The following OOSP2 variants were observed in gnomAD, a reference collection of about 807,000 sequenced individuals.
OOSP2 encodes oocyte secreted protein 2.
A neutral mutation model predicts 13.4 loss-of-function variants in OOSP2; 7 were observed. That is an observed-to-expected ratio of 0.52 (90% CI 0.30 to 0.98). OOSP2 has a LOEUF of 0.98. Ranked by LOEUF, OOSP2 falls within the 50% of genes least tolerant of loss-of-function variation. The pLI, the probability that OOSP2 is intolerant of heterozygous loss-of-function variation, is 0.07. For synonymous variants in OOSP2, 75 were observed against 67.2 expected (o/e 1.12, Z -0.57); for missense variants, 184 against 188.5 (o/e 0.98, Z 0.14).
rs112324466 is a variant in OOSP2 at position 60,047,351 on chromosome 11, A to G, written c.*278A>G. ...TCTGTTCTGTGTAGAAGATTCAGAA[A>G]TATGTCTTCAAAGACAATGACTTGA... On this transcript the variant is annotated 3_prime_UTR_variant, in exon 4 of 4. Coordinates refer to ENST00000278855, the MANE Select transcript of OOSP2 (RefSeq NM_173801.5). 4.7e-4 allele frequency: 98 copies of G among 208,644 alleles called. No individual in the cohort carries two copies. The highest frequency in any genetic ancestry group is 2.2e-3 in the African/African-American group (94 of 43,696). 12.9% of individuals were successfully genotyped at this position (208,644 alleles called of 1,614,324 possible).
At chr11:60,045,769 CT>C (rs1244799508) in intron 3 of OOSP2, among the ~76,000 whole-genome samples, 2 of 152,074 alleles carry the variant, frequency 1.3e-5, no homozygotes, top group East Asian at 3.8e-4. Context: ...ATTGTTAATA[CT>C]TTTACTCTTC....
At chr11:60,045,196 A>G (rs1333280384) in intron 3 of OOSP2, among the ~76,000 whole-genome samples, 1 of 152,134 alleles carries the variant, frequency 6.6e-6, no homozygotes, top group African/African-American at 2.4e-5. Context: ...GGCTAAAAAC[A>G]TAAGAAAATC....
At chr11:60,045,867 T>C (rs1855000750) in intron 3 of OOSP2, among the ~76,000 whole-genome samples, 1 of 152,200 alleles carries the variant, frequency 6.6e-6, no homozygotes, top group African/African-American at 2.4e-5. Flanking sequence ...GATTTAGTGA[T>C]ATTCAGGAAC....
intron 3 of OOSP2, among the ~76,000 whole-genome samples, chr11:60,045,923 A>C (rs1160415769): frequency 2.0e-5 from 3 of 151,554 alleles, no homozygotes; most frequent in Non-Finnish European, 4.4e-5. Flanking sequence ...CTCTGTCTCT[A>C]TCTCTGTCTC....
intron 3 of OOSP2, among the ~76,000 whole-genome samples, chr11:60,045,551 T>G (rs1854996771): frequency 6.6e-6 from 1 of 152,158 alleles, no homozygotes; most frequent in Non-Finnish European, 1.5e-5. Context: ...GTGATTATAG[T>G]ACTTTTTCTC....
chr11:60,042,540 C>T (rs1227708881), intron 1 of OOSP2, among the ~76,000 whole-genome samples: 3 of 152,124 alleles, frequency 2.0e-5, no homozygotes, highest in Admixed American at 6.5e-5. Context: ...CTCAGTTCCT[C>T]CAAATGAATC....
rs191593127 is a variant in OOSP2, at chr11:60,045,602, C to T, written c.347+828C>T. 1.4e-3 allele frequency among the ~76,000 whole-genome samples: 152 copies of T among 107,026 alleles called. 1 individual carries two copies. Among genetic ancestry groups the T allele is most frequent in the African/African-American group, 4.5e-3 (147 of 32,780 alleles). The allele number at this position is 107,026 out of a possible 152,430, so 70.2% of individuals were successfully genotyped here. On this transcript the variant is annotated intron_variant, in intron 3 of 3. Transcript: ENST00000278855. ...TTTTTTTTAATTTTGGTAAAATATA[C>T]ATAATCTTGTACATTTGTACAAGTT...
chr11:60,041,644 A>G (rs1202459927), intron 1 of OOSP2, among the ~76,000 whole-genome samples: 1 of 151,352 alleles, frequency 6.6e-6, no homozygotes, highest in Non-Finnish European at 1.5e-5. Flanking sequence ...GGTCAGGAGG[A>G]GTTCGAGACC....
At chr11:60,040,959 A>T (rs1261790555) in intron 1 of OOSP2, among the ~76,000 whole-genome samples, 1 of 152,210 alleles carries the variant, frequency 6.6e-6, no homozygotes. Context: ...TTCCCTTAAA[A>T]AGACTGCTCT....
Position 60,047,234 on chromosome 11 carries a change from T to A in OOSP2, c.*161T>A. ...AGGTCCTGATTAGTTGATTAGTGAA[T>A]GTGTATTTCTAAATATTTGTATTCA... is the stretch of plus-strand genomic sequence containing the variant. On this transcript the variant is annotated 3_prime_UTR_variant, in exon 4 of 4. Transcript: ENST00000278855. 1 of 560,386 alleles carries A rather than the reference T, an allele frequency of 1.8e-6. No homozygotes were observed. Among genetic ancestry groups the A allele is most frequent in the Admixed American group, 3.4e-5 (1 of 29,606 alleles). The allele number at this position is 560,386 out of a possible 1,614,324, so 34.7% of individuals were successfully genotyped here. A position where few individuals can be genotyped will look rare whatever the true frequency, so the allele number is the denominator to read the frequency against.
chr11:60,041,908 G>A (rs1854935642), intron 1 of OOSP2, among the ~76,000 whole-genome samples: 1 of 148,556 alleles, frequency 6.7e-6, no homozygotes, highest in Non-Finnish European at 1.5e-5. Flanking sequence ...GGTACACGGT[G>A]GCTCACGCCT....
At chr11:60,042,690 G>C (rs999558543) in intron 1 of OOSP2, among the ~76,000 whole-genome samples, 1 of 151,550 alleles carries the variant, frequency 6.6e-6, no homozygotes, top group Non-Finnish European at 1.5e-5. Context: ...GGCTGAGATT[G>C]TTTCTGGTTC....
rs1170466851 is a variant in OOSP2, at chr11:60,047,102, G to A, written c.*29G>A. 1 of 1,571,960 alleles carries A rather than the reference G, an allele frequency of 6.4e-7. No individual in the cohort carries two copies. The highest frequency in any genetic ancestry group is 1.4e-5 in the African/African-American group (1 of 72,848). On this transcript the variant is annotated 3_prime_UTR_variant, in exon 4 of 4. Transcript: ENST00000278855. The stretch of plus-strand genomic sequence containing the variant: ...AAAGGAGAAATGGAAACTTGAAGCT[G>A]GTGTTATGTATTTTGCAGGAAAACA...
At chr11:60,046,148 C>T (rs114133040) in intron 3 of OOSP2, among the ~76,000 whole-genome samples, 2,395 of 146,448 alleles carry the variant, frequency 0.016, 54 homozygotes, top group African/African-American at 0.059. Flanking sequence ...CTCTCTGTCT[C>T]TCTGGTCTCT....
In OOSP2 at chr11:60,041,033, C is replaced by T. The variant is rs547624059; in HGVS notation, c.64+510C>T. 2.6e-5 allele frequency among the ~76,000 whole-genome samples: 4 copies of T among 152,278 alleles called. No homozygotes were observed. In the East Asian group the frequency reaches 5.8e-4, roughly 22 times the overall value. ...AGTTAATAGGAGAAAGCTAAGTCAG[C>T]GCGTTGCTGTCTACAAGTTGATTCC... On this transcript the variant is annotated intron_variant, in intron 1 of 3. Transcript: ENST00000278855.
chr11:60,040,741 T>C (rs572557461), intron 1 of OOSP2, among the ~76,000 whole-genome samples: 12 of 152,306 alleles, frequency 7.9e-5, no homozygotes, highest in African/African-American at 2.9e-4. Flanking sequence ...TCTCTCTCTC[T>C]CTGTTTTGGT....
chr11:60,045,028 T>A (rs10896999), intron 3 of OOSP2, among the ~76,000 whole-genome samples: 1 of 151,750 alleles, frequency 6.6e-6, no homozygotes, highest in Non-Finnish European at 1.5e-5. Flanking sequence ...AGTGTAACTA[T>A]GTTATTTTAT....
At chr11:60,045,610 T>TGTACATTA (rs1854997724) in intron 3 of OOSP2, among the ~76,000 whole-genome samples, 1 of 152,110 alleles carries the variant, frequency 6.6e-6, no homozygotes, top group South Asian at 2.1e-4. Flanking sequence ...TACATAATCT[T>TGTACATTA]GTACATTTGT....
At position 60,047,315 on chromosome 11, in the gene OOSP2, T is replaced by G. The variant is rs2134643124; in HGVS notation, c.*242T>G. 1 of 299,224 alleles carries G rather than the reference T, an allele frequency of 3.3e-6. No homozygotes were observed. The highest frequency in any genetic ancestry group is 4.7e-5 in the Admixed American group (1 of 21,276). 18.5% of individuals were successfully genotyped at this position (299,224 alleles called of 1,614,324 possible). A position where few individuals can be genotyped will look rare whatever the true frequency, so the allele number is the denominator to read the frequency against. On this transcript the variant is annotated 3_prime_UTR_variant, in exon 4 of 4. Transcript: ENST00000278855. ...ACTATTAGGTAATTCATATTATACA[T>G]TTAAGTTCTTTCTGTTCTGTGTAGA... is the stretch of plus-strand genomic sequence containing the variant.
Sources: allele counts gnomAD v4.1 joint callset (sites outside exome capture counted in the v4.1 genomes callset), GRCh38; gene constraint gnomAD v4.1.1; transcripts MANE v1.5; gene names NCBI Gene and HGNC (gene_info 2026-07-23, HGNC 2026-07-21).